ITPR2: variants seen among roughly 807,000 people sequenced by gnomAD.
ITPR2 encodes inositol 1,4,5-trisphosphate-gated calcium channel ITPR2.
ITPR2 carries 207 observed loss-of-function variants against 317.1 expected under a neutral mutation model. The observed-to-expected ratio is 0.65, with a 90% CI of 0.58 to 0.73. The LOEUF is 0.73. ITPR2 is among the 30% of genes least tolerant of loss of function. The probability of loss-of-function intolerance (pLI) is 0.00; values close to 1 mark genes in which losing one functional copy is unlikely to be tolerated. For synonymous variants in ITPR2, 1,156 were observed against 1,149.1 expected (o/e 1.01, Z -0.12); for missense variants, 2,613 against 3,284.0 (o/e 0.80, Z 4.99).
intron 26 of ITPR2, among the ~76,000 whole-genome samples, chr12:26,614,024 G>A (rs756746739): frequency 6.6e-6 from 1 of 152,044 alleles, no homozygotes; most frequent in African/African-American, 2.4e-5. Context: ...AAAAAATCAC[G>A]GAACACCTGA....
chr12:26,438,478 C>G (rs1941412032), intron 47 of ITPR2, among the ~76,000 whole-genome samples: 1 of 152,026 alleles, frequency 6.6e-6, no homozygotes, highest in Non-Finnish European at 1.5e-5. Flanking sequence ...TCATGAGATC[C>G]CTTATTTTGG....
intron 2 of ITPR2, among the ~76,000 whole-genome samples, chr12:26,759,738 C>T (rs77322699): frequency 6.6e-6 from 1 of 152,306 alleles, no homozygotes; most frequent in East Asian, 1.9e-4. Context: ...TCCTTATGAC[C>T]TCCACATCAT....
rs1212290734 is a variant in ITPR2 at position 26,578,703 on chromosome 12, T to A, written c.4630+10A>T. 1 of 1,586,564 alleles carries A rather than the reference T, an allele frequency of 6.3e-7. No homozygotes were observed. The highest frequency in any genetic ancestry group is 1.1e-5 in the South Asian group (1 of 87,220). On this transcript the variant is annotated intron_variant, in intron 34 of 56. Coordinates refer to ENST00000381340, the MANE Select transcript of ITPR2 (RefSeq NM_002223.4). ...ATGTAAAAATAAGTAAAACTCAAACTATGACTTACCCACTTCAGCCAAAGT... is the reference window on the plus strand; with the variant it reads ...ATGTAAAAATAAGTAAAACTCAAACAATGACTTACCCACTTCAGCCAAAGT...
intron 10 of ITPR2, among the ~76,000 whole-genome samples, chr12:26,688,114 T>C (rs1349065628): frequency 2.0e-5 from 3 of 152,120 alleles, no homozygotes; most frequent in African/African-American, 7.2e-5. Context: ...AGGCTCACTA[T>C]AGTCTCGCTC....
At chr12:26,789,390 T>A (rs773526882) in intron 2 of ITPR2, among the ~76,000 whole-genome samples, 10 of 152,254 alleles carry the variant, frequency 6.6e-5, no homozygotes, top group Non-Finnish European at 1.5e-5. Context: ...GGGCTGGTGC[T>A]CTGAGAATCC....
At chr12:26,736,796 A>G (rs2137073605) in intron 2 of ITPR2, among the ~76,000 whole-genome samples, 1 of 152,354 alleles carries the variant, frequency 6.6e-6, no homozygotes, top group African/African-American at 2.4e-5. Context: ...ACAGAGGAAG[A>G]AGGAACACAT....
In ITPR2 at chr12:26,699,728, A is replaced by T. The variant is rs565953589; in HGVS notation, c.952-4078T>A. Among the ~76,000 whole-genome samples, 4 of 152,292 alleles carry T rather than the reference A, an allele frequency of 2.6e-5. No homozygotes were observed. The East Asian group carries it at 5.8e-4, about 22-fold the overall frequency. On this transcript the variant is annotated intron_variant, in intron 9 of 56. Transcript: ENST00000381340. ...AATCCAGGGCCATATAAATTTACCA[A>T]CGTTAACTATTAAAGGCCAAATAAA...
At chr12:26,568,552 T>TA (rs551086061) in intron 34 of ITPR2, among the ~76,000 whole-genome samples, 117 of 152,154 alleles carry the variant, frequency 7.7e-4, no homozygotes, top group Non-Finnish European at 1.4e-3. Flanking sequence ...GCTTATTATA[T>TA]AAAAAAATTT....
intron 13 of ITPR2, among the ~76,000 whole-genome samples, chr12:26,670,026 AG>A: frequency 6.6e-6 from 1 of 152,364 alleles, no homozygotes; most frequent in East Asian, 1.9e-4. Context: ...AGGCTTGCTT[AG>A]GTAAACAAAG....
chr12:26,427,766 G>T, intron 49 of ITPR2, 147 bp downstream of exon 49: 1 of 493,548 alleles, frequency 2.0e-6, no homozygotes, highest in Non-Finnish European at 3.1e-6. Context: ...AATTAAAAAA[G>T]TACAAATTAT....
At chr12:26,506,651 T>C (rs1943194476) in intron 37 of ITPR2, among the ~76,000 whole-genome samples, 1 of 152,086 alleles carries the variant, frequency 6.6e-6, no homozygotes, top group African/African-American at 2.4e-5. Context: ...TTTCAATATT[T>C]AGCCTGAAAG....
rs1565609589 is a variant in ITPR2 at position 26,567,984 on chromosome 12, A to ATATAT, written c.4631-6037_4631-6033dup. On this transcript the variant is annotated intron_variant, in intron 34 of 56. Coordinates refer to ENST00000381340, the MANE Select transcript of ITPR2 (RefSeq NM_002223.4). ...TATATATATATTATATATATTATATATATATATATATATTATATATATTAT... is the reference window on the plus strand; with the variant it reads ...TATATATATATTATATATATTATATATATATTATATATATATATTATATATATTAT... Among the ~76,000 whole-genome samples, 50 of 10,802 alleles carry ATATAT rather than the reference A, an allele frequency of 4.6e-3. 1 individual carries two copies. Among genetic ancestry groups the ATATAT allele is most frequent in the Non-Finnish European group, 0.01 (21 of 2,066 alleles). 7.1% of individuals were successfully genotyped at this position (10,802 alleles called of 152,430 possible).
chr12:26,803,387 T>C (rs775992840), intron 1 of ITPR2, among the ~76,000 whole-genome samples: 1 of 151,800 alleles, frequency 6.6e-6, no homozygotes, highest in African/African-American at 2.4e-5. Context: ...AATGAATCCA[T>C]TGATATTTTA....
intron 2 of ITPR2, among the ~76,000 whole-genome samples, chr12:26,784,219 T>G (rs1413579626): frequency 3.3e-5 from 5 of 151,078 alleles, no homozygotes; most frequent in Admixed American, 1.3e-4. Context: ...GCTACATTTA[T>G]TCCAATGTTT....
intron 2 of ITPR2, among the ~76,000 whole-genome samples, chr12:26,773,551 C>A (rs1035915747): frequency 8.5e-5 from 13 of 152,194 alleles, no homozygotes; most frequent in African/African-American, 3.1e-4. Flanking sequence ...TGAAGGGAGA[C>A]AATTGAATCT....
chr12:26,613,618 A>G (rs536029690), intron 26 of ITPR2, among the ~76,000 whole-genome samples: 2 of 152,158 alleles, frequency 1.3e-5, no homozygotes, highest in African/African-American at 4.8e-5. Context: ...TCCAGATCCC[A>G]TGCAAGATGG....
At chr12:26,527,967 G>A (rs1232911943) in intron 37 of ITPR2, among the ~76,000 whole-genome samples, 2 of 152,172 alleles carry the variant, frequency 1.3e-5, no homozygotes, top group Non-Finnish European at 2.9e-5. Flanking sequence ...AGCGCCTTAT[G>A]TGACTGGTGG....
In ITPR2 at chr12:26,339,176, G is replaced by A. The variant is rs1201686896; in HGVS notation, c.*221C>T. ...TTTCTTCCTGATGCATTGCGAATGTGTGATGTACGCTTTCTAGCAGATGCA... is the reference window on the plus strand; with the variant it reads ...TTTCTTCCTGATGCATTGCGAATGTATGATGTACGCTTTCTAGCAGATGCA... On this transcript the variant is annotated 3_prime_UTR_variant, in exon 57 of 57. Transcript: ENST00000381340. The A allele has an allele frequency of 2.0e-6, 1 of 503,754 alleles. No homozygotes were observed. Among genetic ancestry groups the A allele is most frequent in the Non-Finnish European group, 3.6e-6 (1 of 280,586 alleles). 31.2% of individuals were successfully genotyped at this position (503,754 alleles called of 1,614,324 possible).
In ITPR2 at chr12:26,832,849, G is replaced by A; in HGVS notation, c.-68C>T. On this transcript the variant is annotated 5_prime_UTR_variant, in exon 1 of 57. Transcript: ENST00000381340. ...GCCCTCGCCGCCCTCTCTCCAGGGA[G>A]CCGCCGCGGCAGAAGCGGATCGGAT... The A allele has an allele frequency of 2.4e-6, 3 of 1,250,650 alleles. No homozygotes were observed. The highest frequency in any genetic ancestry group is 2.3e-6 in the Non-Finnish European group (2 of 867,686). 77.5% of individuals were successfully genotyped at this position (1,250,650 alleles called of 1,614,324 possible). A position where few individuals can be genotyped will look rare whatever the true frequency, so the allele number is the denominator to read the frequency against.
Sources: gnomAD v4.1 joint callset for allele counts (sites outside exome capture counted in the v4.1 genomes callset) on GRCh38, gnomAD v4.1.1 for gene constraint, MANE v1.5 for transcripts, NCBI Gene and HGNC (gene_info 2026-07-23, HGNC 2026-07-21) for gene names.